Variants in DNAI1 observed in about 807,000 individuals in gnomAD.
DNAI1 encodes dynein axonemal intermediate chain 1.
Under a neutral mutation model 92.0 loss-of-function variants are expected in DNAI1, and 67 were observed. The observed-to-expected ratio is 0.73, with a 90% CI of 0.60 to 0.89. DNAI1 has a LOEUF of 0.89. Ranked by LOEUF, DNAI1 falls within the 40% of genes least tolerant of loss-of-function variation. DNAI1 has a pLI of 0.00. For synonymous variants in DNAI1, 323 were observed against 319.6 expected (o/e 1.01, Z -0.11); for missense variants, 839 against 866.6 (o/e 0.97, Z 0.40).
chr9:34,485,949 G>C (rs910303638), intron 4 of DNAI1, among the ~76,000 whole-genome samples: 1 of 152,154 alleles, frequency 6.6e-6, no homozygotes, highest in Non-Finnish European at 1.5e-5. Context: ...CACTGGAGAA[G>C]TTCTAGCAGG....
intron 12 of DNAI1, among the ~76,000 whole-genome samples, chr9:34,502,776 C>G (rs904039986): frequency 6.6e-6 from 1 of 152,000 alleles, no homozygotes; most frequent in African/African-American, 2.4e-5. Context: ...TGGTACCCGT[C>G]GTCAGCTACA....
chr9:34,491,693 T>A, intron 8 of DNAI1, 139 bp downstream of exon 8: 1 of 902,896 alleles, frequency 1.1e-6, no homozygotes, highest in Non-Finnish European at 1.8e-6. Flanking sequence ...CTGCTCACTG[T>A]CCTGAGCATC....
intron 1 of DNAI1, among the ~76,000 whole-genome samples, chr9:34,470,465 T>C (rs1824116461): frequency 6.6e-6 from 1 of 152,212 alleles, no homozygotes; most frequent in African/African-American, 2.4e-5. Flanking sequence ...TGAGTATCAT[T>C]ATCAGACAAA....
At chr9:34,507,119 C>A (rs1257473075) in intron 13 of DNAI1, among the ~76,000 whole-genome samples, 3 of 152,122 alleles carry the variant, frequency 2.0e-5, no homozygotes, top group African/African-American at 7.2e-5. Flanking sequence ...CACCTGTTTG[C>A]TAAAGATCTC....
chr9:34,463,472 C>G (rs1823985626), intron 1 of DNAI1, among the ~76,000 whole-genome samples: 1 of 152,186 alleles, frequency 6.6e-6, no homozygotes, highest in Non-Finnish European at 1.5e-5. Flanking sequence ...GCAAAGCGTC[C>G]TTCCTGAAAA....
At chr9:34,514,591 G>C in intron 17 of DNAI1, 49 bp downstream of exon 17, 1 of 1,614,220 alleles carries the variant, frequency 6.2e-7, no homozygotes, top group Non-Finnish European at 8.5e-7. Flanking sequence ...CTGGGCTATG[G>C]CACTGTGAGC....
rs367785401 is a variant in DNAI1, at chr9:34,458,996, A to T, written c.-10A>T. 1 of 1,614,068 alleles carries T rather than the reference A, an allele frequency of 6.2e-7. No individual in the cohort carries two copies. The highest frequency in any genetic ancestry group is 8.5e-7 in the Non-Finnish European group (1 of 1,179,904). On this transcript the variant is annotated 5_prime_UTR_variant, in exon 1 of 20. Coordinates refer to ENST00000242317, the MANE Select transcript of DNAI1 (RefSeq NM_012144.4). The surrounding 1 kb of genome is among the most constrained non-coding windows in gnomAD (Gnocchi z 6.6). ...CGAGGGAGCGTTTTGTAGGCTCTCC[A>T]GGGGTTGAGATGATTCCTGCTTCTG... is the stretch of plus-strand genomic sequence containing the variant.
At position 34,489,331 on chromosome 9, in the gene DNAI1, A is replaced by G. The variant is rs1476504233; in HGVS notation, c.270A>G (p.Thr90=). 6.2e-7 allele frequency: 1 copy of G among 1,613,916 alleles called. No individual in the cohort carries two copies. Among genetic ancestry groups the G allele is most frequent in the East Asian group, 2.2e-5 (1 of 44,888 alleles). The change falls in exon 5 of 20, where the codon ACA becomes ACG. Residue 90 remains threonine, a synonymous_variant. Coordinates refer to ENST00000242317, the MANE Select transcript of DNAI1 (RefSeq NM_012144.4). ...NIVRYSFKEG[T]YKPIGFVNQL... ...AGCCCCTCTCTTCTTAGGAAGGCACATATAAGCCTATTGGCTTTGTGAACC... is the reference window on the plus strand; with the variant it reads ...AGCCCCTCTCTTCTTAGGAAGGCACGTATAAGCCTATTGGCTTTGTGAACC...
At chr9:34,487,692 A>G (rs546357438) in intron 4 of DNAI1, among the ~76,000 whole-genome samples, 59 of 152,190 alleles carry the variant, frequency 3.9e-4, no homozygotes, top group African/African-American at 1.3e-3. Flanking sequence ...CTACAGGCAG[A>G]GGACTGGCAT....
intron 13 of DNAI1, among the ~76,000 whole-genome samples, chr9:34,510,929 C>T (rs1003263710): frequency 1.3e-5 from 2 of 152,212 alleles, no homozygotes; most frequent in African/African-American, 4.8e-5. Context: ...CAGACCAAGA[C>T]AGGACTCAGC....
At chr9:34,472,582 A>T (rs1300267989) in intron 1 of DNAI1, among the ~76,000 whole-genome samples, 1 of 152,184 alleles carries the variant, frequency 6.6e-6, no homozygotes, top group Admixed American at 6.5e-5. Context: ...TAGCATTTGA[A>T]ATTATAAAAG....
At chr9:34,499,190 G>A (rs919091252) in intron 10 of DNAI1, among the ~76,000 whole-genome samples, 1 of 152,206 alleles carries the variant, frequency 6.6e-6, no homozygotes, top group East Asian at 1.9e-4. Flanking sequence ...TAACCCAAGC[G>A]GGGTAATCTC....
intron 1 of DNAI1, among the ~76,000 whole-genome samples, chr9:34,472,704 C>T (rs1362326214): frequency 6.6e-6 from 1 of 152,066 alleles, no homozygotes; most frequent in Non-Finnish European, 1.5e-5. Context: ...AAGTTTGAGA[C>T]CAGCCTGGGC....
intron 13 of DNAI1, among the ~76,000 whole-genome samples, chr9:34,511,496 G>A (rs538737026): frequency 3.9e-4 from 59 of 152,186 alleles, no homozygotes; most frequent in Admixed American, 1.3e-3. Flanking sequence ...GGAGACGGGG[G>A]CCTGCTCCTC....
At position 34,512,388 on chromosome 9, in the gene DNAI1, A is replaced by G; in HGVS notation, c.1453A>G (p.Thr485Ala). 6.2e-7 allele frequency: 1 copy of G among 1,614,158 alleles called. No homozygotes were observed. The highest frequency in any genetic ancestry group is 8.5e-7 in the Non-Finnish European group (1 of 1,180,016). The change falls in exon 15 of 20, where the codon ACG (threonine) becomes GCG (alanine). Residue 485 changes from threonine (T) to alanine (A), a missense_variant. Coordinates refer to ENST00000242317, the MANE Select transcript of DNAI1 (RefSeq NM_012144.4). Reference protein sequence around the residue: ...VIKLKVEGSTTEVPEGLQLHP... With the variant: ...VIKLKVEGSTAEVPEGLQLHP... ...CAAGCTGAAGGTGGAAGGCAGCACC[A>G]CGGAAGTTCCTGAGGGGTTGCAGCT...
At chr9:34,475,924 T>C (rs1824228004) in intron 1 of DNAI1, among the ~76,000 whole-genome samples, 1 of 152,180 alleles carries the variant, frequency 6.6e-6, no homozygotes, top group South Asian at 2.1e-4. Flanking sequence ...ATAGATCGCT[T>C]ACATTGTTCA....
Position 34,459,450 on chromosome 9 carries a change from C to CTTTT in DNAI1, c.48+407_48+410dup, listed in dbSNP as rs373407715. ...TCTTTTTCTTTTTCTTTCTTTCTTT[C>CTTTT]TTTTTTTTTTTTTGAGACAGAGGCT... On this transcript the variant is annotated intron_variant, in intron 1 of 19. Coordinates refer to ENST00000242317, the MANE Select transcript of DNAI1 (RefSeq NM_012144.4). 3.9e-3 allele frequency among the ~76,000 whole-genome samples: 542 copies of CTTTT among 138,200 alleles called. 4 individuals carry two copies. The highest frequency in any genetic ancestry group is 0.013 in the African/African-American group (458 of 36,064). 90.7% of individuals were successfully genotyped at this position (138,200 alleles called of 152,430 possible).
chr9:34,518,909 A>C (rs2132087995), intron 19 of DNAI1, among the ~76,000 whole-genome samples: 1 of 128,046 alleles, frequency 7.8e-6, no homozygotes, highest in African/African-American at 3.0e-5. Context: ...CCATAGTTTC[A>C]GTTCCCCTCA....
chr9:34,500,075 A>G (rs1432151569), intron 10 of DNAI1, among the ~76,000 whole-genome samples: 1 of 152,158 alleles, frequency 6.6e-6, no homozygotes, highest in Non-Finnish European at 1.5e-5. Flanking sequence ...AAAAAGATAG[A>G]AGAAAAATAT....
Sources: allele counts gnomAD v4.1 joint callset (sites outside exome capture counted in the v4.1 genomes callset), GRCh38; gene constraint gnomAD v4.1.1; non-coding constraint Gnocchi (gnomAD v3.1); transcripts MANE v1.5; gene names NCBI Gene and HGNC (gene_info 2026-07-23, HGNC 2026-07-21).